ABHD3: variants seen among roughly 807,000 people sequenced by gnomAD.
ABHD3 encodes abhydrolase domain containing 3, phospholipase, also known as phospholipase ABHD3.
Under a neutral mutation model 48.8 loss-of-function variants are expected in ABHD3, and 46 were observed. The ratio of observed to expected loss-of-function variants is 0.94; its 90% CI spans 0.74 to 1.20. The LOEUF (loss-of-function observed/expected upper bound fraction) is 1.20. ABHD3 is among the 50% of genes most tolerant of loss of function. ABHD3 has a pLI of 0.00. For missense variants in ABHD3, 490 were observed against 497.8 expected (o/e 0.98, Z 0.15); for synonymous variants, 192 against 183.7 (o/e 1.04, Z -0.36).
At chr18:21,694,803 T>C (rs547442110) in intron 3 of ABHD3, among the ~76,000 whole-genome samples, 48 of 152,250 alleles carry the variant, frequency 3.2e-4, no homozygotes, top group South Asian at 1.0e-3. Context: ...ATGTTTTGCT[T>C]TATTCATCCT....
At position 21,683,926 on chromosome 18, in the gene ABHD3, A is replaced by G. The variant is rs768721542; in HGVS notation, c.549T>C (p.Asn183=). 1 of 1,595,692 alleles carries G rather than the reference A, an allele frequency of 6.3e-7. No individual in the cohort carries two copies. Among genetic ancestry groups the G allele is most frequent in the East Asian group, 2.3e-5 (1 of 44,302 alleles). ...GTCATTTAAATTTACTTACCAAGAG[A>G]TTCTCCCCCGCCACTCCTCTGTTGT... ...VFNNRGVAGE[N]LLTPRTYCCA... The change falls in exon 4 of 9, where the codon AAT becomes AAC. Residue 183 remains asparagine (N), a synonymous_variant. Transcript: ENST00000289119.
chr18:21,692,495 T>C (rs1320015844), intron 3 of ABHD3, among the ~76,000 whole-genome samples: 1 of 151,944 alleles, frequency 6.6e-6, no homozygotes, highest in Non-Finnish European at 1.5e-5. Flanking sequence ...TTCTTGCTGA[T>C]CATAAGTTCT....
At chr18:21,655,278 G>T in intron 8 of ABHD3, among the ~76,000 whole-genome samples, 1 of 143,516 alleles carries the variant, frequency 7.0e-6, no homozygotes, top group African/African-American at 2.6e-5. Context: ...GGGAAAGAGA[G>T]AAAAAGTTTT....
At chr18:21,651,786 C>G in intron 8 of ABHD3, 23 bp from the exon 9 acceptor site, 1 of 1,491,284 alleles carries the variant, frequency 6.7e-7, no homozygotes, top group Non-Finnish European at 8.9e-7. Flanking sequence ...AAAAACATGG[C>G]AATAAGAGAG....
chr18:21,700,827 CAAA>C lies in ABHD3; in HGVS notation c.509+1486_509+1488del, dbSNP rs375239917. On this transcript the variant is annotated intron_variant, in intron 3 of 8. Coordinates refer to ENST00000289119, the MANE Select transcript of ABHD3 (RefSeq NM_138340.5). The stretch of plus-strand genomic sequence containing the variant: ...TTTCTGAGCATGACTAAGTTTTAGC[CAAA>C]AAAAAAAAAAAAAAAAAAATGGAAC... 1.1e-3 allele frequency among the ~76,000 whole-genome samples: 108 copies of C among 94,370 alleles called. 1 individual carries two copies. The highest frequency in any genetic ancestry group is 3.6e-3 in the African/African-American group (104 of 28,662). The allele number at this position is 94,370 out of a possible 152,430, so 61.9% of individuals were successfully genotyped here. A position where few individuals can be genotyped will look rare whatever the true frequency, so the allele number is the denominator to read the frequency against.
chr18:21,700,657 C>A (rs2040486365), intron 3 of ABHD3, among the ~76,000 whole-genome samples: 2 of 151,912 alleles, frequency 1.3e-5, no homozygotes, highest in African/African-American at 4.8e-5. Flanking sequence ...GCCTCGGCCT[C>A]CCAAAGTGCT....
chr18:21,660,661 CCT>C (rs1259870830), intron 5 of ABHD3, among the ~76,000 whole-genome samples: 3 of 151,968 alleles, frequency 2.0e-5, no homozygotes, highest in South Asian at 2.1e-4. Flanking sequence ...TAAAATTCCC[CCT>C]CATTCTTTTT....
In ABHD3 at chr18:21,704,590, C is replaced by T. The variant is rs1286824153; in HGVS notation, c.76G>A (p.Gly26Arg). Residue 26 changes from glycine (G) to arginine (R), a missense_variant, in exon 1 of 9, where the codon GGG becomes AGG. Gly to Arg is a moderately radical substitution (Grantham distance 125). Coordinates refer to ENST00000289119, the MANE Select transcript of ABHD3 (RefSeq NM_138340.5). ...AAGCCCACCCCCGAGCCGAAGAACCCCACCCGGACTTGGTGTTCCAGGTAG... is the reference window on the plus strand; with the variant it reads ...AAGCCCACCCCCGAGCCGAAGAACCTCACCCGGACTTGGTGTTCCAGGTAG... ...SLYLEHQVRV[G>R]FFGSGVGLSL... 6.4e-7 allele frequency: 1 copy of T among 1,553,516 alleles called. No homozygotes were observed.
At chr18:21,664,462 A>G in intron 4 of ABHD3, 1 of 444,634 alleles carries the variant, frequency 2.2e-6, no homozygotes, top group Non-Finnish European at 4.0e-6. Context: ...ACATGCAAGG[A>G]AGGCTTGATG....
At chr18:21,669,024 G>A (rs1311156722) in intron 4 of ABHD3, among the ~76,000 whole-genome samples, 1 of 151,956 alleles carries the variant, frequency 6.6e-6, no homozygotes, top group Non-Finnish European at 1.5e-5. Flanking sequence ...GCAGTTGAGA[G>A]CACCCTGGGC....
intron 3 of ABHD3, among the ~76,000 whole-genome samples, chr18:21,700,827 C>CAAAAAAAAAAAGAAA (rs2040490691): frequency 1.1e-5 from 1 of 94,396 alleles, no homozygotes. Flanking sequence ...AAGTTTTAGC[C>CAAAAAAAAAAAGAAA]AAAAAAAAAA....
intron 5 of ABHD3, among the ~76,000 whole-genome samples, chr18:21,659,696 T>G (rs1205087805): frequency 6.6e-6 from 1 of 151,270 alleles, no homozygotes. Context: ...TGAGACAGAG[T>G]CTTGCTCTGT....
intron 8 of ABHD3, among the ~76,000 whole-genome samples, chr18:21,656,111 G>A (rs1247363741): frequency 1.3e-5 from 2 of 152,182 alleles, no homozygotes; most frequent in Non-Finnish European, 2.9e-5. Context: ...AGCCGAGATC[G>A]TGCCTTTGCA....
chr18:21,700,513 C>T (rs56284449), intron 3 of ABHD3, among the ~76,000 whole-genome samples: 6,011 of 152,176 alleles, frequency 0.04, 399 homozygotes, highest in African/African-American at 0.14. Context: ...ATTCTCCTGC[C>T]TCAGCCTCCT....
intron 1 of ABHD3, 109 bp from the exon 2 acceptor site, chr18:21,703,856 A>G: frequency 7.9e-7 from 1 of 1,268,078 alleles, no homozygotes; most frequent in South Asian, 1.4e-5. Context: ...CTCCGATTAC[A>G]ACTCTTTCTG....
intron 3 of ABHD3, among the ~76,000 whole-genome samples, chr18:21,700,202 G>A (rs1409689906): frequency 6.6e-6 from 1 of 150,772 alleles, no homozygotes; most frequent in African/African-American, 2.4e-5. Context: ...CAATTCTCCT[G>A]CCTCAGCCTC....
intron 4 of ABHD3, among the ~76,000 whole-genome samples, chr18:21,672,644 T>C (rs1391260445): frequency 6.6e-6 from 1 of 152,220 alleles, no homozygotes; most frequent in Non-Finnish European, 1.5e-5. Flanking sequence ...TTATGCTCCT[T>C]AATTGATCTC....
At chr18:21,678,500 T>C (rs2039938318) in intron 4 of ABHD3, among the ~76,000 whole-genome samples, 1 of 152,124 alleles carries the variant, frequency 6.6e-6, no homozygotes, top group East Asian at 1.9e-4. Flanking sequence ...AAAATAGCTT[T>C]CTGTGTCTAC....
chr18:21,658,160 G>T (rs1449331865), intron 6 of ABHD3, among the ~76,000 whole-genome samples: 1 of 151,642 alleles, frequency 6.6e-6, no homozygotes, highest in Non-Finnish European at 1.5e-5. Context: ...TCACACCACT[G>T]CACTCAAGCC....
Sources: gnomAD v4.1 joint callset for allele counts (sites outside exome capture counted in the v4.1 genomes callset) on GRCh38, gnomAD v4.1.1 for gene constraint, MANE v1.5 for transcripts, NCBI Gene and HGNC (gene_info 2026-07-23, HGNC 2026-07-21) for gene names.